PPM1E: variants seen among roughly 807,000 people sequenced by gnomAD.
PPM1E encodes the protein protein phosphatase 1E.
Under a neutral mutation model 65.9 loss-of-function variants are expected in PPM1E, and 20 were observed. The ratio of observed to expected loss-of-function variants is 0.30; its 90% CI spans 0.21 to 0.44. The LOEUF is 0.44. Ranked by LOEUF, PPM1E falls within the 20% of genes least tolerant of loss-of-function variation. The pLI is 1.00. For missense variants in PPM1E, 713 were observed against 953.1 expected (o/e 0.75, Z 3.32); for synonymous variants, 352 against 374.9 (o/e 0.94, Z 0.70).
chr17:58,832,810 T>TTG (rs2050618165), intron 1 of PPM1E, among the ~76,000 whole-genome samples: 1 of 150,674 alleles, frequency 6.6e-6, no homozygotes, highest in African/African-American at 2.4e-5. Flanking sequence ...TTCACCAGGT[T>TTG]TTTGTTTGTT....
At chr17:58,836,370 C>T (rs1221207723) in intron 1 of PPM1E, among the ~76,000 whole-genome samples, 1 of 151,826 alleles carries the variant, frequency 6.6e-6, no homozygotes. Context: ...GTGGCTCACA[C>T]CTGCACTTTG....
intron 1 of PPM1E, among the ~76,000 whole-genome samples, chr17:58,829,061 A>T (rs943058070): frequency 6.6e-6 from 1 of 151,120 alleles, no homozygotes; most frequent in Non-Finnish European, 1.5e-5. Flanking sequence ...TTTTTTTTTG[A>T]GACGGAGTTT....
At chr17:58,844,710 T>C (rs1056094645) in intron 1 of PPM1E, among the ~76,000 whole-genome samples, 2 of 152,240 alleles carry the variant, frequency 1.3e-5, no homozygotes, top group African/African-American at 4.8e-5. Context: ...TAGAGTCTTT[T>C]ATAGAGGCAA....
intron 1 of PPM1E, among the ~76,000 whole-genome samples, chr17:58,928,739 G>A (rs969101983): frequency 7.1e-6 from 1 of 141,572 alleles, no homozygotes; most frequent in African/African-American, 2.7e-5. Context: ...TTTTGCTCTT[G>A]TTGCCCGGGC....
intron 1 of PPM1E, among the ~76,000 whole-genome samples, chr17:58,927,124 T>A (rs2051832762): frequency 7.0e-6 from 1 of 142,480 alleles, no homozygotes. Flanking sequence ...CTTTTAAACT[T>A]TTTTTTTTTT....
In PPM1E at chr17:58,756,046, C is replaced by G; in HGVS notation, c.49C>G (p.Leu17Val). The G allele has an allele frequency of 6.2e-7, 1 of 1,614,044 alleles. No individual in the cohort carries two copies. Among genetic ancestry groups the G allele is most frequent in the Non-Finnish European group, 8.5e-7 (1 of 1,179,936 alleles). Residue 17 changes from leucine to valine, a missense_variant, in exon 1 of 7, where the codon CTA (leucine) becomes GTA (valine). Leu to Val is a conservative substitution (Grantham distance 32). Coordinates refer to ENST00000308249, the MANE Select transcript of PPM1E (RefSeq NM_014906.5). ...GAAAACTTACCGGCGCTTCCTGGAG[C>G]TATTCCTGGGCGAGTTTCGCGGACC... ...EEKTYRRFLE[L>V]FLGEFRGPCG...
At chr17:58,845,917 G>T (rs553874729) in intron 1 of PPM1E, among the ~76,000 whole-genome samples, 1 of 152,208 alleles carries the variant, frequency 6.6e-6, no homozygotes, top group Non-Finnish European at 1.5e-5. Flanking sequence ...CTGACCTCAG[G>T]TGATCTGCCG....
At chr17:58,901,783 C>G (rs1383704893) in intron 1 of PPM1E, among the ~76,000 whole-genome samples, 1 of 152,046 alleles carries the variant, frequency 6.6e-6, no homozygotes, top group East Asian at 1.9e-4. Flanking sequence ...TCAAGACCAG[C>G]CTGACCAACA....
At chr17:58,860,182 G>T (rs751407543) in intron 1 of PPM1E, among the ~76,000 whole-genome samples, 9 of 152,206 alleles carry the variant, frequency 5.9e-5, no homozygotes, top group Non-Finnish European at 1.0e-4. Flanking sequence ...AACCCAAAGA[G>T]ATTGTAAATA....
chr17:58,980,237 A>T lies in PPM1E; in HGVS notation c.1474A>T (p.Asn492Tyr). Reference protein sequence around the residue: ...TVIVVFLRDMNKAVNVSEESD... With the variant: ...TVIVVFLRDMYKAVNVSEESD... ...TATTGTGGTATTCCTGAGGGACATG[A>T]ACAAAGCTGTAAATGTTAGTGAGGA... Residue 492 changes from asparagine to tyrosine, a missense_variant, in exon 7 of 7, where the codon AAC becomes TAC. Physicochemically the swap from Asn to Tyr is moderately radical, Grantham distance 143. Coordinates refer to ENST00000308249, the MANE Select transcript of PPM1E (RefSeq NM_014906.5). This position sits in a 1 kb window ranked among gnomAD's most constrained non-coding sequence, Gnocchi z 4.7. The T allele has an allele frequency of 1.2e-6, 2 of 1,614,176 alleles. No homozygotes were observed. Among genetic ancestry groups the T allele is most frequent in the Non-Finnish European group, 1.7e-6 (2 of 1,180,034 alleles).
chr17:58,941,873 C>T (rs1436961522), intron 1 of PPM1E, among the ~76,000 whole-genome samples: 2 of 145,752 alleles, frequency 1.4e-5, no homozygotes, highest in South Asian at 2.2e-4. Flanking sequence ...GGCGTGGTGG[C>T]AGGCACCTGT....
chr17:58,977,262 G>T (rs1323517738), intron 6 of PPM1E, among the ~76,000 whole-genome samples: 1 of 151,994 alleles, frequency 6.6e-6, no homozygotes, highest in Non-Finnish European at 1.5e-5. Flanking sequence ...GACCAACATG[G>T]TGAAACCCTG....
intron 1 of PPM1E, among the ~76,000 whole-genome samples, chr17:58,794,653 A>T (rs1273295541): frequency 6.6e-6 from 1 of 152,088 alleles, no homozygotes; most frequent in East Asian, 1.9e-4. Context: ...TATAAGTGAG[A>T]ACATGCAATG....
At chr17:58,960,558 T>C (rs1253890189) in intron 2 of PPM1E, among the ~76,000 whole-genome samples, 1 of 152,008 alleles carries the variant, frequency 6.6e-6, no homozygotes, top group Non-Finnish European at 1.5e-5. Flanking sequence ...GTACATCACT[T>C]GAGGTCAGGA....
intron 1 of PPM1E, among the ~76,000 whole-genome samples, chr17:58,775,102 C>T (rs983552378): frequency 4.6e-5 from 7 of 152,112 alleles, no homozygotes; most frequent in African/African-American, 9.7e-5. Context: ...CCAGCTGCCT[C>T]GGCCTCCCAA....
At chr17:58,835,439 T>C (rs1035708985) in intron 1 of PPM1E, among the ~76,000 whole-genome samples, 1 of 152,218 alleles carries the variant, frequency 6.6e-6, no homozygotes, top group East Asian at 1.9e-4. Context: ...TTTTAATTTT[T>C]TTTTAGTGTT....
intron 1 of PPM1E, among the ~76,000 whole-genome samples, chr17:58,798,440 GTCTCGAACTTC>G (rs1280650680): frequency 6.6e-6 from 1 of 150,596 alleles, no homozygotes; most frequent in Admixed American, 6.6e-5. Flanking sequence ...GGTCAGACTG[GTCTCGAACTTC>G]TGACCTTGTG....
At chr17:58,837,692 T>A (rs1225019933) in intron 1 of PPM1E, among the ~76,000 whole-genome samples, 1 of 152,060 alleles carries the variant, frequency 6.6e-6, no homozygotes, top group Non-Finnish European at 1.5e-5. Context: ...GAGACAGGGT[T>A]TCACCGTGTC....
intron 1 of PPM1E, among the ~76,000 whole-genome samples, chr17:58,828,876 GATAAA>G (rs2143168491): frequency 6.6e-6 from 1 of 152,162 alleles, no homozygotes; most frequent in East Asian, 1.9e-4. Flanking sequence ...TATTCTAGAA[GATAAA>G]GATTTAACAA....
Sources: gnomAD v4.1 joint callset for allele counts (sites outside exome capture counted in the v4.1 genomes callset) on GRCh38, gnomAD v4.1.1 for gene constraint, Gnocchi (gnomAD v3.1) non-coding constraint, MANE v1.5 for transcripts, NCBI Gene and HGNC (gene_info 2026-07-23, HGNC 2026-07-21) for gene names.